Variants in MAP3K9 observed in about 807,000 individuals in gnomAD.
The protein encoded by MAP3K9 is mixed lineage kinase 1 (tyr and ser/thr specificity).
MAP3K9 carries 46 observed loss-of-function variants against 95.8 expected under a neutral mutation model. That is an observed-to-expected ratio of 0.48 (90% confidence interval 0.38 to 0.61). The LOEUF (loss-of-function observed/expected upper bound fraction) is 0.61, where lower values mean the gene tolerates loss of function less well. MAP3K9 is among the 20% of genes least tolerant of loss of function. The probability of loss-of-function intolerance (pLI) is 0.00; values close to 1 mark genes in which losing one functional copy is unlikely to be tolerated. For missense variants in MAP3K9, 1,296 were observed against 1,474.3 expected (o/e 0.88, Z 1.98); for synonymous variants, 533 against 593.8 (o/e 0.90, Z 1.49).
In MAP3K9 at chr14:70,801,729, G is replaced by A. The variant is rs7151024; in HGVS notation, c.407-649C>T. ...TCCCACAGCAGCACAGAGCACTAAG[G>A]GGGTGAGTGGGGAAAGGATTCTCAG... On this transcript the variant is annotated intron_variant, in intron 1 of 11. Transcript: ENST00000554752. Among the ~76,000 whole-genome samples, 78 of 152,252 alleles carry A rather than the reference G, an allele frequency of 5.1e-4. 1 individual carries two copies. Among genetic ancestry groups the A allele is most frequent in the Admixed American group, 1.4e-3 (21 of 15,300 alleles).
rs1471777733 is a variant in MAP3K9, at chr14:70,742,333, C to T, written c.1567+18G>A. ...CTTTGCCCTGCTCCCACTTCCCAGC[C>T]AGTCCCCGGCCACTGACCAGAAGGG... On this transcript the variant is annotated intron_variant, in intron 6 of 11. Coordinates refer to ENST00000554752, the MANE Select transcript of MAP3K9 (RefSeq NM_001284230.2). 1 of 1,610,028 alleles carries T rather than the reference C, an allele frequency of 6.2e-7. No homozygotes were observed. Among genetic ancestry groups the T allele is most frequent in the African/African-American group, 1.3e-5 (1 of 74,896 alleles).
chr14:70,780,590 C>T (rs2054662106), intron 2 of MAP3K9, among the ~76,000 whole-genome samples: 1 of 152,190 alleles, frequency 6.6e-6, no homozygotes, highest in Non-Finnish European at 1.5e-5. Flanking sequence ...ACACCTACAG[C>T]CCTTGCCATC....
chr14:70,730,407 A>T lies in MAP3K9; in HGVS notation c.3288T>A (p.Tyr1096Ter), dbSNP rs887919504. 6.2e-7 allele frequency: 1 copy of T among 1,609,652 alleles called. No homozygotes were observed. The highest frequency in any genetic ancestry group is 1.3e-5 in the African/African-American group (1 of 74,836). The change falls in exon 12 of 12, where the codon TAT (tyrosine) becomes TAA (stop). Residue 1096 changes from tyrosine to a stop codon, truncating the protein, a stop_gained. Transcript: ENST00000554752. LOFTEE classifies it high-confidence loss of function. ...AAGACCAGAACTCCTGCTGGATCTC[A>T]TAAGGGGCAGGCCTGTGTGTGTTCA... Reference protein sequence around the residue: ...AELNTHRPAPYEIQQEFWS With the variant: ...AELNTHRPAP
intron 5 of MAP3K9, among the ~76,000 whole-genome samples, chr14:70,742,803 G>A (rs1026146345): frequency 6.6e-6 from 1 of 151,880 alleles, no homozygotes. Context: ...CCATACTGAC[G>A]GGACAGTCAG....
At chr14:70,752,817 C>T (rs2054247984) in intron 3 of MAP3K9, 1 of 152,318 alleles carries the variant, frequency 6.6e-6, no homozygotes, top group Non-Finnish European at 1.5e-5. Flanking sequence ...ACACTAAGCT[C>T]TCAGTGTCCT....
At chr14:70,796,750 C>T (rs989883693) in intron 2 of MAP3K9, among the ~76,000 whole-genome samples, 2 of 152,172 alleles carry the variant, frequency 1.3e-5, no homozygotes, top group African/African-American at 4.8e-5. Context: ...GACCTCATAA[C>T]TGGCAGTCCA....
chr14:70,759,484 TGGTTGTAATG>T (rs1385589966), intron 3 of MAP3K9, among the ~76,000 whole-genome samples: 12 of 152,174 alleles, frequency 7.9e-5, no homozygotes, highest in African/African-American at 2.9e-4. Context: ...AAATAGATAG[TGGTTGTAATG>T]GGCTGAATGG....
rs753791462 is a variant in MAP3K9, at chr14:70,742,550, C to A, written c.1368G>T (p.Leu456=). The A allele has an allele frequency of 1.2e-6, 2 of 1,614,074 alleles. No individual in the cohort carries two copies. Among genetic ancestry groups the A allele is most frequent in the Admixed American group, 3.3e-5 (2 of 60,008 alleles). Residue 456 remains leucine, a synonymous_variant, in exon 6 of 12, where the codon CTG becomes CTT. Transcript: ENST00000554752. ...GCAGTTCCTCCTGGTTCTTCTGCTG[C>A]AGTGCAGCCCGCGTCAGCTCCTCCT... ...TWEEELTRAA[L]QQKNQEELLR...
At chr14:70,767,101 C>T (rs1435182812) in intron 2 of MAP3K9, among the ~76,000 whole-genome samples, 1 of 152,034 alleles carries the variant, frequency 6.6e-6, no homozygotes, top group Non-Finnish European at 1.5e-5. Flanking sequence ...GAACTCATCC[C>T]GGCTGGGTGC....
At chr14:70,737,839 G>A (rs1387817086) in intron 8 of MAP3K9, among the ~76,000 whole-genome samples, 2 of 152,166 alleles carry the variant, frequency 1.3e-5, no homozygotes, top group East Asian at 3.9e-4. Flanking sequence ...TGAGTAGAAC[G>A]CCTTCAGGGG....
intron 2 of MAP3K9, among the ~76,000 whole-genome samples, chr14:70,770,769 T>C (rs576403050): frequency 6.6e-6 from 1 of 152,224 alleles, no homozygotes; most frequent in African/African-American, 2.4e-5. Flanking sequence ...ATCCTCTACG[T>C]CTGGTACACA....
chr14:70,798,425 T>A (rs1566767982), intron 2 of MAP3K9, among the ~76,000 whole-genome samples: 1 of 148,988 alleles, frequency 6.7e-6, no homozygotes, highest in Non-Finnish European at 1.5e-5. Flanking sequence ...TCCAGCAATA[T>A]AAGCAATCTC....
intron 2 of MAP3K9, among the ~76,000 whole-genome samples, chr14:70,791,538 A>C (rs1389305163): frequency 6.6e-6 from 1 of 152,244 alleles, no homozygotes; most frequent in Non-Finnish European, 1.5e-5. Context: ...GAAAGGATGG[A>C]GGCAAGAGAA....
At chr14:70,798,135 A>G (rs998540573) in intron 2 of MAP3K9, among the ~76,000 whole-genome samples, 3 of 152,226 alleles carry the variant, frequency 2.0e-5, no homozygotes, top group Admixed American at 2.0e-4. Context: ...CCTCTCCTAC[A>G]AACAGCAGAA....
intron 3 of MAP3K9, among the ~76,000 whole-genome samples, chr14:70,758,087 A>G (rs1215716410): frequency 6.6e-6 from 1 of 152,234 alleles, no homozygotes; most frequent in South Asian, 2.1e-4. Flanking sequence ...TTCAAAGAAC[A>G]GCCTTAAGAA....
rs761241452 is a variant in MAP3K9, at chr14:70,750,012, G to A, written c.1071C>T (p.Val357=). 58 of 1,614,052 alleles carry A rather than the reference G, an allele frequency of 3.6e-5. No individual in the cohort carries two copies. In the Middle Eastern group the frequency reaches 6.6e-4, roughly 18 times the overall value. Residue 357 remains valine, a synonymous_variant, in exon 4 of 12, where the codon GTC becomes GTT. Transcript: ENST00000554752. ...GTTTGTTCATGGCCACTCCATAAGCGACTGCTAAGCCATCAATGCCTCGAA... is the reference window on the plus strand; with the variant it reads ...GTTTGTTCATGGCCACTCCATAAGCAACTGCTAAGCCATCAATGCCTCGAA... ...VPFRGIDGLA[V]AYGVAMNKLA...
In MAP3K9 at chr14:70,809,101, C is replaced by G. The variant is rs1479118819; in HGVS notation, c.71G>C (p.Gly24Ala). The G allele has an allele frequency of 2.9e-6, 4 of 1,391,242 alleles. No individual in the cohort carries two copies. The highest frequency in any genetic ancestry group is 3.5e-5 in the Admixed American group (1 of 28,662). 86.2% of individuals were successfully genotyped at this position (1,391,242 alleles called of 1,614,324 possible). The change falls in exon 1 of 12, where the codon GGA becomes GCA. Residue 24 changes from glycine to alanine, a missense_variant. Transcript: ENST00000554752. ...CTCCTCCTCGGCCCCGGCCCCTGCTCCATCCTCCCCCGGCGGGGCGGCAGC... is the reference window on the plus strand; with the variant it reads ...CTCCTCCTCGGCCCCGGCCCCTGCTGCATCCTCCCCCGGCGGGGCGGCAGC... The part of the protein sequence containing the change: ...AAAAAPPGED[G>A]AGAGAEEEEE...
At chr14:70,778,577 A>G (rs1003820855) in intron 2 of MAP3K9, among the ~76,000 whole-genome samples, 6 of 152,070 alleles carry the variant, frequency 3.9e-5, no homozygotes, top group African/African-American at 1.4e-4. Context: ...CACCAGGCCA[A>G]ACTTCTCTCA....
chr14:70,776,626 T>A (rs17766512), intron 2 of MAP3K9, among the ~76,000 whole-genome samples: 34,609 of 152,004 alleles, frequency 0.23, 4,250 homozygotes, highest in South Asian at 0.38. Context: ...AGCTCTGCTC[T>A]CTCCGTTAGA....
Sources: gnomAD v4.1 joint callset for allele counts (sites outside exome capture counted in the v4.1 genomes callset) on GRCh38, gnomAD v4.1.1 for gene constraint, MANE v1.5 for transcripts, NCBI Gene and HGNC (gene_info 2026-07-23, HGNC 2026-07-21) for gene names.